Variants in PLCL2 observed in about 807,000 individuals in gnomAD.
PLCL2 encodes phospholipase C like 2.
A neutral mutation model predicts 79.6 loss-of-function variants in PLCL2; 4 were observed. The ratio of observed to expected loss-of-function variants is 0.05; its 90% CI spans 0.02 to 0.11. The LOEUF (loss-of-function observed/expected upper bound fraction) is 0.11, where lower values mean the gene tolerates loss of function less well. PLCL2 is among the 10% of genes least tolerant of loss of function. The pLI is 1.00. For synonymous variants in PLCL2, 484 were observed against 457.7 expected (o/e 1.06, Z -0.73); for missense variants, 895 against 1,291.0 (o/e 0.69, Z 4.70).
At chr3:17,046,044 G>A (rs1234651841) in intron 4 of PLCL2, among the ~76,000 whole-genome samples, 4 of 152,140 alleles carry the variant, frequency 2.6e-5, no homozygotes, top group African/African-American at 4.8e-5. Flanking sequence ...TTAAATATCA[G>A]ATCCTGCAGG....
intron 1 of PLCL2, among the ~76,000 whole-genome samples, chr3:16,966,907 A>G (rs1346144002): frequency 2.0e-5 from 3 of 151,760 alleles, no homozygotes; most frequent in African/African-American, 7.3e-5. Context: ...TAGTGTTTTG[A>G]TCCTCACCCT....
chr3:16,916,030 A>G (rs991565575), intron 1 of PLCL2, among the ~76,000 whole-genome samples: 1 of 152,212 alleles, frequency 6.6e-6, no homozygotes, highest in African/African-American at 2.4e-5. Context: ...AAATCAAAGC[A>G]TGCTTAGTAA....
intron 1 of PLCL2, among the ~76,000 whole-genome samples, chr3:16,942,106 G>A (rs2063553216): frequency 6.6e-6 from 1 of 152,170 alleles, no homozygotes. Context: ...TAAATGATTT[G>A]TGAAAAGTTA....
At chr3:16,911,252 CAAAAA>C (rs780366754) in intron 1 of PLCL2, among the ~76,000 whole-genome samples, 2 of 55,960 alleles carry the variant, frequency 3.6e-5, no homozygotes, top group Admixed American at 1.9e-4. Context: ...GACTCTGTCT[CAAAAA>C]AAAAAAAAAA....
At chr3:16,934,962 A>C (rs1308527149) in intron 1 of PLCL2, among the ~76,000 whole-genome samples, 1 of 152,252 alleles carries the variant, frequency 6.6e-6, no homozygotes, top group Non-Finnish European at 1.5e-5. Context: ...AGACTTGCTG[A>C]GTCAAAGGAA....
chr3:17,023,408 G>T (rs1016233857), intron 3 of PLCL2, among the ~76,000 whole-genome samples: 2 of 152,162 alleles, frequency 1.3e-5, no homozygotes, highest in South Asian at 4.1e-4. Context: ...CCCCCGTGTT[G>T]TGGGAGGGAC....
chr3:17,052,690 A>G (rs1305498898), intron 4 of PLCL2, among the ~76,000 whole-genome samples: 2 of 152,134 alleles, frequency 1.3e-5, no homozygotes, highest in Non-Finnish European at 2.9e-5. Flanking sequence ...CCTCTGAGAC[A>G]GCAAGACCAA....
rs781707143 is a variant in PLCL2, at chr3:17,009,669, C to A, written c.328-5C>A. On this transcript the variant is annotated splice_region_variant and splice_polypyrimidine_tract_variant and intron_variant, in intron 1 of 5. Coordinates refer to ENST00000615277, the MANE Select transcript of PLCL2 (RefSeq NM_001144382.2). The surrounding 1 kb of genome is among the most constrained non-coding windows in gnomAD (Gnocchi z 4.0). ...TTCTAATATACGGTCTTTTTTTCCT[C>A]TCAGGATGGTACAAAACAGAAGAGG... 12 of 1,528,362 alleles carry A rather than the reference C, an allele frequency of 7.9e-6. No homozygotes were observed. Among genetic ancestry groups the A allele is most frequent in the African/African-American group, 1.4e-5 (1 of 72,260 alleles). The allele number at this position is 1,528,362 out of a possible 1,614,324, so 94.7% of individuals were successfully genotyped here.
At chr3:17,030,325 C>T (rs1452554744) in intron 3 of PLCL2, among the ~76,000 whole-genome samples, 1 of 152,082 alleles carries the variant, frequency 6.6e-6, no homozygotes, top group African/African-American at 2.4e-5. Flanking sequence ...AATAAATACT[C>T]AATAAATCAT....
intron 1 of PLCL2, among the ~76,000 whole-genome samples, chr3:17,005,939 A>G (rs2064255904): frequency 1.3e-5 from 2 of 152,202 alleles, no homozygotes; most frequent in Admixed American, 6.5e-5. Flanking sequence ...CCTTCACAGT[A>G]TAACAGCCAA....
chr3:17,083,325 G>A (rs1020038167), intron 5 of PLCL2, among the ~76,000 whole-genome samples: 43 of 152,194 alleles, frequency 2.8e-4, no homozygotes, highest in African/African-American at 1.0e-3. Context: ...GGCATTCCCT[G>A]CAGAGGGAAC....
intron 1 of PLCL2, among the ~76,000 whole-genome samples, chr3:16,971,202 T>C (rs1481734021): frequency 1.9e-4 from 29 of 151,468 alleles, no homozygotes; most frequent in Admixed American, 4.6e-4. Flanking sequence ...TTAGGTCTAA[T>C]GTTTAAGTCT....
Position 17,090,312 on chromosome 3 carries a change from A to G in PLCL2, c.*400A>G, listed in dbSNP as rs1185888007. 1.1e-6 allele frequency: 1 copy of G among 945,512 alleles called. No homozygotes were observed. Among genetic ancestry groups the G allele is most frequent in the Non-Finnish European group, 1.3e-6 (1 of 793,194 alleles). 58.6% of individuals were successfully genotyped at this position (945,512 alleles called of 1,614,324 possible). A position where few individuals can be genotyped will look rare whatever the true frequency, so the allele number is the denominator to read the frequency against. ...ACCTGATCTACACATTTTTACTTAT[A>G]TGGGGTTGCCAGAGTCTCTGGGTTC... On this transcript the variant is annotated 3_prime_UTR_variant, in exon 6 of 6. Transcript: ENST00000615277.
At chr3:17,074,915 T>C (rs1024518336) in intron 5 of PLCL2, among the ~76,000 whole-genome samples, 1 of 152,260 alleles carries the variant, frequency 6.6e-6, no homozygotes, top group Non-Finnish European at 1.5e-5. Context: ...TGATCTCCTA[T>C]TGAGACCACT....
At chr3:16,943,159 A>C (rs1196568647) in intron 1 of PLCL2, among the ~76,000 whole-genome samples, 1 of 152,244 alleles carries the variant, frequency 6.6e-6, no homozygotes, top group Non-Finnish European at 1.5e-5. Flanking sequence ...CATAAATGAC[A>C]GTCTTGACAG....
rs35316797 is a variant in PLCL2, at chr3:17,052,236, CAAA to C, written c.3094+9302_3094+9304del. 3.8e-3 allele frequency among the ~76,000 whole-genome samples: 369 copies of C among 97,246 alleles called. 1 individual carries two copies. Among genetic ancestry groups the C allele is most frequent in the African/African-American group, 0.012 (314 of 27,300 alleles). 63.8% of individuals were successfully genotyped at this position (97,246 alleles called of 152,430 possible). A position where few individuals can be genotyped will look rare whatever the true frequency, so the allele number is the denominator to read the frequency against. ...ATCATGAAATAGATTGTGAATATGG[CAAA>C]AAAAAAAAAAAAAATTGGGGGGGGG... On this transcript the variant is annotated intron_variant, in intron 4 of 5. Coordinates refer to ENST00000615277, the MANE Select transcript of PLCL2 (RefSeq NM_001144382.2).
At chr3:16,901,459 A>G (rs1413735873) in intron 1 of PLCL2, among the ~76,000 whole-genome samples, 3 of 152,210 alleles carry the variant, frequency 2.0e-5, no homozygotes, top group Non-Finnish European at 4.4e-5. Context: ...CAAATGGGCA[A>G]CTGTTGGCAA....
intron 1 of PLCL2, among the ~76,000 whole-genome samples, chr3:16,975,840 CT>C (rs1353631697): frequency 6.6e-6 from 1 of 152,160 alleles, no homozygotes; most frequent in Non-Finnish European, 1.5e-5. Flanking sequence ...CAACAGGACT[CT>C]TCTAGGCCCC....
intron 5 of PLCL2, among the ~76,000 whole-genome samples, chr3:17,085,559 T>G (rs1375125657): frequency 6.6e-6 from 1 of 152,074 alleles, no homozygotes; most frequent in Non-Finnish European, 1.5e-5. Flanking sequence ...CACGCCATTC[T>G]CTGCCTCAGC....
Sources: allele counts gnomAD v4.1 joint callset (sites outside exome capture counted in the v4.1 genomes callset), GRCh38; gene constraint gnomAD v4.1.1; non-coding constraint Gnocchi (gnomAD v3.1); transcripts MANE v1.5; gene names NCBI Gene and HGNC (gene_info 2026-07-23, HGNC 2026-07-21).